EVI5L: variants seen among roughly 807,000 people sequenced by gnomAD.
EVI5L encodes the protein ecotropic viral integration site 5 like.
In EVI5L, 30 loss-of-function variants were observed where a neutral mutation model predicts 106.1. The ratio of observed to expected loss-of-function variants is 0.28; its 90% confidence interval spans 0.21 to 0.38. EVI5L has a LOEUF of 0.38. Among genes scored for constraint, EVI5L ranks in the 10% least tolerant of loss-of-function variants. The pLI is 1.00. For synonymous variants in EVI5L, 489 were observed against 483.3 expected (o/e 1.01, Z -0.15); for missense variants, 809 against 1,098.0 (o/e 0.74, Z 3.72).
chr19:7,864,572 TCCCAGCGAGC>T lies in EVI5L; in HGVS notation c.*871_*880del, dbSNP rs1276428365. On this transcript the variant is annotated 3_prime_UTR_variant, in exon 20 of 20. Transcript: ENST00000538904. The surrounding 1 kb of genome is among the most constrained non-coding windows in gnomAD (Gnocchi z 4.5). ...AGAGCCAGGCCCCCAGGCAGGAGCT[TCCCAGCGAGC>T]GGCCTCCCCTCACTTCCTCCTGGTG... 6.6e-6 allele frequency: 1 copy of T among 152,620 alleles called. No homozygotes were observed. The highest frequency in any genetic ancestry group is 1.5e-5 in the Non-Finnish European group (1 of 68,310). The allele number at this position is 152,620 out of a possible 1,614,324, so 9.5% of individuals were successfully genotyped here.
chr19:7,851,144 G>T (rs759437398), intron 6 of EVI5L, among the ~76,000 whole-genome samples: 1 of 152,112 alleles, frequency 6.6e-6, no homozygotes, highest in African/African-American at 2.4e-5. Context: ...TCAGGCTGTC[G>T]TGAGGACCCC....
At chr19:7,837,472 G>A (rs1407624767) in intron 1 of EVI5L, among the ~76,000 whole-genome samples, 1 of 152,116 alleles carries the variant, frequency 6.6e-6, no homozygotes, top group Non-Finnish European at 1.5e-5. Flanking sequence ...CCATTCATAT[G>A]ATACATTTGT....
At chr19:7,837,158 C>T (rs977700966) in intron 1 of EVI5L, among the ~76,000 whole-genome samples, 1 of 151,520 alleles carries the variant, frequency 6.6e-6, no homozygotes, top group African/African-American at 2.4e-5. Context: ...TGGTGAAACC[C>T]CATCTCTACT....
rs572364134 is a variant in EVI5L, at chr19:7,856,970, C to G, written c.1201-122C>G. On this transcript the variant is annotated intron_variant, in intron 11 of 19. Coordinates refer to ENST00000538904, the MANE Select transcript of EVI5L (RefSeq NM_001159944.3). The surrounding 1 kb of genome is among the most constrained non-coding windows in gnomAD (Gnocchi z 6.6). ...CTCTGGTCTTCCCTCCTCTCTCCCC[C>G]GCTTCTAGAGATAGTCCACTGCGTT... The G allele has an allele frequency of 2.8e-5, 29 of 1,020,002 alleles. No individual in the cohort carries two copies. Among genetic ancestry groups the G allele is most frequent in the African/African-American group, 7.9e-5 (5 of 62,932 alleles). The allele number at this position is 1,020,002 out of a possible 1,614,324, so 63.2% of individuals were successfully genotyped here.
At chr19:7,837,495 G>A (rs529842756) in intron 1 of EVI5L, among the ~76,000 whole-genome samples, 1 of 152,082 alleles carries the variant, frequency 6.6e-6, no homozygotes, top group Non-Finnish European at 1.5e-5. Flanking sequence ...TAGTTAATGG[G>A]CCAGTATTGA....
Position 7,849,990 on chromosome 19 carries a change from C to A in EVI5L, c.628-7C>A, listed in dbSNP as rs532863835. 20 of 1,586,900 alleles carry A rather than the reference C, an allele frequency of 1.3e-5. No individual in the cohort carries two copies. In the East Asian group the frequency reaches 4.3e-4, roughly 34 times the overall value. On this transcript the variant is annotated splice_polypyrimidine_tract_variant and splice_region_variant and intron_variant, in intron 5 of 19. Coordinates refer to ENST00000538904, the MANE Select transcript of EVI5L (RefSeq NM_001159944.3). ...CCTGAGCCCCCCCACCTGCCCGTCC[C>A]CCCTAGATGCCTGAGGAGGAGGCCT...
intron 17 of EVI5L, among the ~76,000 whole-genome samples, chr19:7,862,736 G>A (rs1187272444): frequency 2.1e-5 from 1 of 47,946 alleles, no homozygotes; most frequent in Non-Finnish European, 4.2e-5. Context: ...CCCGCCTCCT[G>A]ACCACCCCCC....
chr19:7,851,792 C>A, intron 8 of EVI5L, 22 bp downstream of exon 8: 3 of 1,483,520 alleles, frequency 2.0e-6, no homozygotes, highest in South Asian at 1.4e-5. Context: ...GGGCCAGGGC[C>A]GGTGGGGCTG....
chr19:7,852,410 T>A (rs1321679209), intron 8 of EVI5L, among the ~76,000 whole-genome samples: 2 of 152,036 alleles, frequency 1.3e-5, no homozygotes, highest in Non-Finnish European at 2.9e-5. Flanking sequence ...CCCCCTGGGC[T>A]TACCTTAACC....
rs761290465 is a variant in EVI5L at position 7,849,976 on chromosome 19, C to A, written c.628-21C>A. ...CCCCGCTGCGCTGCCCTGAGCCCCC[C>A]CACCTGCCCGTCCCCCCTAGATGCC... is the stretch of plus-strand genomic sequence containing the variant. On this transcript the variant is annotated intron_variant, in intron 5 of 19. Coordinates refer to ENST00000538904, the MANE Select transcript of EVI5L (RefSeq NM_001159944.3). 1.8e-5 allele frequency: 28 copies of A among 1,572,348 alleles called. No individual in the cohort carries two copies. The South Asian group carries it at 3.3e-4, about 18-fold the overall frequency.
intron 1 of EVI5L, among the ~76,000 whole-genome samples, chr19:7,839,071 T>A (rs1334124313): frequency 2.7e-5 from 4 of 150,478 alleles, no homozygotes; most frequent in African/African-American, 9.8e-5. Flanking sequence ...GGGAGGCCAA[T>A]GCGGGCAGAT....
In EVI5L at chr19:7,856,048, C is replaced by A. The variant is rs1432442985; in HGVS notation, c.1180C>A (p.Arg394=). 7.5e-7 allele frequency: 1 copy of A among 1,329,716 alleles called. No homozygotes were observed. Among genetic ancestry groups the A allele is most frequent in the Non-Finnish European group, 9.7e-7 (1 of 1,030,236 alleles). 82.4% of individuals were successfully genotyped at this position (1,329,716 alleles called of 1,614,324 possible). A position where few individuals can be genotyped will look rare whatever the true frequency, so the allele number is the denominator to read the frequency against. The change falls in exon 11 of 20, where the codon CGG becomes AGG. Residue 394 remains arginine (R), a synonymous_variant. Coordinates refer to ENST00000538904, the MANE Select transcript of EVI5L (RefSeq NM_001159944.3). The surrounding 1 kb of genome is among the most constrained non-coding windows in gnomAD (Gnocchi z 6.6). ...GACGGAGAACCGGCTCCTGAAACAG[C>A]GGATTGAAACCCTAGAGAAGGTGAG... The part of the protein sequence containing the change: ...LRTENRLLKQ[R]IETLEKESAA...
At chr19:7,847,396 C>T (rs919057361) in intron 2 of EVI5L, among the ~76,000 whole-genome samples, 4 of 151,854 alleles carry the variant, frequency 2.6e-5, no homozygotes, top group Non-Finnish European at 2.9e-5. Flanking sequence ...GAGACCAGCC[C>T]GACCAACATG....
At chr19:7,849,535 G>A (rs1979132991) in intron 5 of EVI5L, among the ~76,000 whole-genome samples, 1 of 152,238 alleles carries the variant, frequency 6.6e-6, no homozygotes, top group Non-Finnish European at 1.5e-5. Flanking sequence ...CCTGTCTGCT[G>A]TACCATCCAG....
chr19:7,854,281 C>CAAAAAA (rs56186481), intron 10 of EVI5L, among the ~76,000 whole-genome samples: 3 of 94,732 alleles, frequency 3.2e-5, no homozygotes, highest in South Asian at 4.3e-4. Context: ...GACTGTGTCT[C>CAAAAAA]AAAAAAAAAA....
rs748603770 is a variant in EVI5L at position 7,846,601 on chromosome 19, C to T, written c.59C>T (p.Thr20Ile). Residue 20 changes from threonine (T) to isoleucine (I), a missense_variant, in exon 2 of 20, where the codon ACC becomes ATC. Transcript: ENST00000538904. ...SSSQEALSAP[T>I]CSPTSDSENL... ...TCCCAGGAGGCCCTGTCGGCCCCCACCTGCTCCCCAACCTCTGACTCCGAG... is the reference window on the plus strand; with the variant it reads ...TCCCAGGAGGCCCTGTCGGCCCCCATCTGCTCCCCAACCTCTGACTCCGAG... 4.3e-6 allele frequency: 7 copies of T among 1,613,752 alleles called. No individual in the cohort carries two copies. Among genetic ancestry groups the T allele is most frequent in the East Asian group, 2.2e-5 (1 of 44,892 alleles).
chr19:7,832,808 G>A (rs1040646400), intron 1 of EVI5L, among the ~76,000 whole-genome samples: 4 of 152,170 alleles, frequency 2.6e-5, no homozygotes, highest in Non-Finnish European at 5.9e-5. Context: ...GGAGGACCAC[G>A]GGGAACAGGG....
At chr19:7,844,326 C>T (rs532527565) in intron 1 of EVI5L, among the ~76,000 whole-genome samples, 29 of 101,218 alleles carry the variant, frequency 2.9e-4, no homozygotes, top group South Asian at 2.5e-3. Context: ...AGCGAGACTC[C>T]GTCTCAAAAA....
At chr19:7,851,243 C>T (rs1443214686) in intron 6 of EVI5L, among the ~76,000 whole-genome samples, 191 bp from the exon 7 acceptor site, 6 of 152,154 alleles carry the variant, frequency 3.9e-5, no homozygotes, top group South Asian at 4.1e-4. Context: ...TCCCCCACCC[C>T]GTGCTACTCA....
Sources: gnomAD v4.1 joint callset for allele counts (sites outside exome capture counted in the v4.1 genomes callset) on GRCh38, gnomAD v4.1.1 for gene constraint, Gnocchi (gnomAD v3.1) non-coding constraint, MANE v1.5 for transcripts, NCBI Gene and HGNC (gene_info 2026-07-23, HGNC 2026-07-21) for gene names.